CABCOCO1: variants seen among roughly 807,000 people sequenced by gnomAD.
The protein encoded by CABCOCO1 is ciliary-associated calcium-binding coiled-coil protein 1.
A neutral mutation model predicts 35.7 loss-of-function variants in CABCOCO1; 28 were observed. The ratio of observed to expected loss-of-function variants is 0.78; its 90% CI spans 0.58 to 1.07. CABCOCO1 has a LOEUF of 1.07. CABCOCO1 is among the 50% of genes least tolerant of loss of function. The pLI, the probability that CABCOCO1 is intolerant of heterozygous loss-of-function variation, is 0.00. For missense variants in CABCOCO1, 326 were observed against 309.2 expected (o/e 1.05, Z -0.41); for synonymous variants, 95 against 100.1 (o/e 0.95, Z 0.30).
Position 61,676,784 on chromosome 10 carries a change from G to A in CABCOCO1, c.164+4049G>A, listed in dbSNP as rs543270041. ...ATATATAAGATAGTAATTTTCAGCC[G>A]GGCGTGGTGGCTCATGCCTTTAAAC... On this transcript the variant is annotated intron_variant, in intron 2 of 7. Coordinates refer to ENST00000648843, the MANE Select transcript of CABCOCO1 (RefSeq NM_001366906.2). Among the ~76,000 whole-genome samples the A allele has an allele frequency of 1.1e-4, 16 of 152,172 alleles. No homozygotes were observed. The South Asian group carries it at 2.7e-3, about 26-fold the overall frequency.
chr10:61,675,104 C>T (rs903203321), intron 2 of CABCOCO1, among the ~76,000 whole-genome samples: 2 of 152,190 alleles, frequency 1.3e-5, no homozygotes, highest in East Asian at 3.9e-4. Context: ...CTTGGTGAGA[C>T]AAAATAGATA....
rs374278778 is a variant in CABCOCO1 at position 61,722,680 on chromosome 10, TA to T, written c.552+32069del. Among the ~76,000 whole-genome samples the T allele has an allele frequency of 9.0e-3, 1,315 of 146,042 alleles. 6 individuals carry two copies. Among genetic ancestry groups the T allele is most frequent in the Middle Eastern group, 0.028 (8 of 282 alleles). ...TCATAAATTCAAGAATTGCTTCTTC[TA>T]AAAAAAAAACTGGTAAAATACTAGC... is the stretch of plus-strand genomic sequence containing the variant. On this transcript the variant is annotated intron_variant, in intron 5 of 7. Coordinates refer to ENST00000648843, the MANE Select transcript of CABCOCO1 (RefSeq NM_001366906.2).
intron 3 of CABCOCO1, among the ~76,000 whole-genome samples, chr10:61,681,746 A>G (rs1839798311): frequency 6.6e-6 from 1 of 152,164 alleles, no homozygotes; most frequent in African/African-American, 2.4e-5. Context: ...GAAACAATAT[A>G]TAGTTATCAA....
At chr10:61,749,885 T>C (rs541084775) in intron 5 of CABCOCO1, among the ~76,000 whole-genome samples, 1 of 152,266 alleles carries the variant, frequency 6.6e-6, no homozygotes, top group East Asian at 1.9e-4. Flanking sequence ...CAATGCAGTA[T>C]GATTTGAAGG....
At chr10:61,755,979 G>A (rs887778960) in intron 5 of CABCOCO1, among the ~76,000 whole-genome samples, 20 of 151,880 alleles carry the variant, frequency 1.3e-4, no homozygotes, top group African/African-American at 4.8e-4. Flanking sequence ...AATTCTTAGT[G>A]TTTATTCCCA....
Position 61,766,083 on chromosome 10 carries a change from T to C in CABCOCO1, c.*70T>C. 1 of 1,373,770 alleles carries C rather than the reference T, an allele frequency of 7.3e-7. No homozygotes were observed. The highest frequency in any genetic ancestry group is 1.0e-6 in the Non-Finnish European group (1 of 982,786). 85.1% of individuals were successfully genotyped at this position (1,373,770 alleles called of 1,614,324 possible). ...CAAAACCAGCCAGAATAACAGACTCTCTGGAGCGTCGTGTCTCCATCACTT... is the reference window on the plus strand; with the variant it reads ...CAAAACCAGCCAGAATAACAGACTCCCTGGAGCGTCGTGTCTCCATCACTT... On this transcript the variant is annotated 3_prime_UTR_variant, in exon 8 of 8. Transcript: ENST00000648843.
At chr10:61,693,425 C>A (rs1461794595) in intron 5 of CABCOCO1, among the ~76,000 whole-genome samples, 1 of 151,952 alleles carries the variant, frequency 6.6e-6, no homozygotes, top group Non-Finnish European at 1.5e-5. Context: ...AACTCTTAGG[C>A]AAGCATTCAA....
At chr10:61,761,559 T>C (rs1842009881) in intron 7 of CABCOCO1, among the ~76,000 whole-genome samples, 2 of 152,108 alleles carry the variant, frequency 1.3e-5, no homozygotes, top group African/African-American at 2.4e-5. Context: ...TAATTCTTTC[T>C]CATCTCATTC....
At chr10:61,753,797 A>C (rs1589155690) in intron 5 of CABCOCO1, among the ~76,000 whole-genome samples, 1 of 152,232 alleles carries the variant, frequency 6.6e-6, no homozygotes, top group Non-Finnish European at 1.5e-5. Flanking sequence ...TCAAAAGAGA[A>C]GTTGTTTGGG....
chr10:61,765,014 A>T (rs1410979040), intron 7 of CABCOCO1, among the ~76,000 whole-genome samples: 1 of 152,184 alleles, frequency 6.6e-6, no homozygotes, highest in African/African-American at 2.4e-5. Context: ...AATTAAAATA[A>T]TAAAAGGTTT....
intron 2 of CABCOCO1, among the ~76,000 whole-genome samples, chr10:61,679,235 G>T (rs545411691): frequency 6.6e-6 from 1 of 152,168 alleles, no homozygotes; most frequent in Admixed American, 6.6e-5. Context: ...AAGGGCAGGA[G>T]AAAATATAAG....
At position 61,682,889 on chromosome 10, in the gene CABCOCO1, C is replaced by CTTT. The variant is rs71018993; in HGVS notation, c.334+1590_334+1592dup. On this transcript the variant is annotated intron_variant, in intron 3 of 7. Coordinates refer to ENST00000648843, the MANE Select transcript of CABCOCO1 (RefSeq NM_001366906.2). Reference sequence around the variant, plus strand: ...CCAGGAGTTAGTTTCACATGAATTTCTTTTTTTTTTTTTTTAAGACAGATT... The same window carrying CTTT: ...CCAGGAGTTAGTTTCACATGAATTTCTTTTTTTTTTTTTTTTTTAAGACAGATT... Among the ~76,000 whole-genome samples, 6 of 128,202 alleles carry CTTT rather than the reference C, an allele frequency of 4.7e-5. 1 individual carries two copies. Among genetic ancestry groups the CTTT allele is most frequent in the Admixed American group, 2.7e-4 (3 of 10,966 alleles). The allele number at this position is 128,202 out of a possible 152,430, so 84.1% of individuals were successfully genotyped here. A position where few individuals can be genotyped will look rare whatever the true frequency, so the allele number is the denominator to read the frequency against.
chr10:61,734,529 A>T (rs899655758), intron 5 of CABCOCO1, among the ~76,000 whole-genome samples: 1 of 151,772 alleles, frequency 6.6e-6, no homozygotes, highest in Non-Finnish European at 1.5e-5. Context: ...AAAAAAAAAC[A>T]CTAAAAAGAC....
At chr10:61,710,761 C>A (rs1034840393) in intron 5 of CABCOCO1, among the ~76,000 whole-genome samples, 1 of 151,796 alleles carries the variant, frequency 6.6e-6, no homozygotes, top group Non-Finnish European at 1.5e-5. Context: ...TTGTGTTGCT[C>A]TTCCTCTAGG....
At chr10:61,759,621 T>C (rs1841965841) in intron 5 of CABCOCO1, among the ~76,000 whole-genome samples, 1 of 152,042 alleles carries the variant, frequency 6.6e-6, no homozygotes, top group African/African-American at 2.4e-5. Context: ...GATGGCCACT[T>C]CAGCAGCTAC....
chr10:61,757,036 C>T (rs745352677), intron 5 of CABCOCO1, among the ~76,000 whole-genome samples: 1 of 151,632 alleles, frequency 6.6e-6, no homozygotes, highest in African/African-American at 2.4e-5. Flanking sequence ...ATAAAGCTGA[C>T]CATGTCTCTC....
chr10:61,686,226 TC>T (rs1400290443), intron 4 of CABCOCO1, 41 bp downstream of exon 4: 1 of 1,455,942 alleles, frequency 6.9e-7, no homozygotes, highest in African/African-American at 1.5e-5. Flanking sequence ...TCATTTCACA[TC>T]TTCTGGAAAA....
At chr10:61,680,406 AACATATATAATATATATTTATATAT>A (rs1839684163) in intron 2 of CABCOCO1, among the ~76,000 whole-genome samples, 1 of 135,156 alleles carries the variant, frequency 7.4e-6, no homozygotes, top group Non-Finnish European at 1.5e-5. Context: ...TTTTATATAT[AACATATATAATATATATTTATATAT>A]TAACATATAT....
intron 5 of CABCOCO1, among the ~76,000 whole-genome samples, chr10:61,695,293 A>T (rs1199788649): frequency 6.6e-6 from 1 of 151,834 alleles, no homozygotes; most frequent in Non-Finnish European, 1.5e-5. Flanking sequence ...TGGAAGATAA[A>T]TCAAAAAAAA....
Sources: allele counts gnomAD v4.1 joint callset (sites outside exome capture counted in the v4.1 genomes callset), GRCh38; gene constraint gnomAD v4.1.1; transcripts MANE v1.5; gene names NCBI Gene and HGNC (gene_info 2026-07-23, HGNC 2026-07-21).